Variants in ELMO1 observed in about 807,000 individuals in gnomAD.
ELMO1 encodes engulfment and cell motility 1.
A neutral mutation model predicts 98.9 loss-of-function variants in ELMO1; 26 were observed. The observed-to-expected ratio is 0.26, with a 90% confidence interval of 0.19 to 0.36. The LOEUF (loss-of-function observed/expected upper bound fraction) is 0.36, where lower values mean the gene tolerates loss of function less well. ELMO1 is among the 10% of genes least tolerant of loss of function. The probability of loss-of-function intolerance (pLI) is 1.00; values close to 1 mark genes in which losing one functional copy is unlikely to be tolerated. For missense variants in ELMO1, 627 were observed against 935.2 expected, an observed-to-expected ratio of 0.67 and a Z score of 4.30; for synonymous variants, 346 against 346.0, an observed-to-expected ratio of 1.00 and a Z score of 0.00.
intron 19 of ELMO1, among the ~76,000 whole-genome samples, chr7:36,872,781 A>G (rs959122997): frequency 6.6e-6 from 1 of 152,246 alleles, no homozygotes; most frequent in African/African-American, 2.4e-5. Context: ...AATGTGATAT[A>G]GTCAACAAAC....
chr7:37,342,898 T>G lies in ELMO1; in HGVS notation c.-73-135A>C, dbSNP rs994895042. The G allele has an allele frequency of 1.9e-6, 1 of 529,406 alleles. No individual in the cohort carries two copies. Among genetic ancestry groups the G allele is most frequent in the East Asian group, 3.4e-5 (1 of 29,120 alleles). The allele number at this position is 529,406 out of a possible 1,614,324, so 32.8% of individuals were successfully genotyped here. A position where few individuals can be genotyped will look rare whatever the true frequency, so the allele number is the denominator to read the frequency against. Reference sequence around the variant, plus strand: ...CCCCTTGGTGCCTGGGTGCTGAAGGTGCAGGGGCACAGCCAACGGTACAAT... The same window carrying G: ...CCCCTTGGTGCCTGGGTGCTGAAGGGGCAGGGGCACAGCCAACGGTACAAT... On this transcript the variant is annotated intron_variant, in intron 1 of 21. Coordinates refer to ENST00000310758, the MANE Select transcript of ELMO1 (RefSeq NM_014800.11). This position sits in a 1 kb window ranked among gnomAD's most constrained non-coding sequence, Gnocchi z 4.3.
At position 37,336,165 on chromosome 7, in the gene ELMO1, G is replaced by T. The variant is rs562523827; in HGVS notation, c.78+6448C>A. Among the ~76,000 whole-genome samples the T allele has an allele frequency of 8.7e-4, 132 of 152,138 alleles. 1 individual carries two copies. The highest frequency in any genetic ancestry group is 3.1e-3 in the African/African-American group (130 of 41,494). On this transcript the variant is annotated intron_variant, in intron 2 of 21. Coordinates refer to ENST00000310758, the MANE Select transcript of ELMO1 (RefSeq NM_014800.11). Reference sequence around the variant, plus strand: ...TATCTTGAGCCCAGAATTAGAGGTTGCAGTGAGCTTTGATTGAGCCTTTGT... The same window carrying T: ...TATCTTGAGCCCAGAATTAGAGGTTTCAGTGAGCTTTGATTGAGCCTTTGT...
At position 36,941,488 on chromosome 7, in the gene ELMO1, T is replaced by A. The variant is rs920664449; in HGVS notation, c.1438-46471A>T. On this transcript the variant is annotated intron_variant, in intron 16 of 21. Coordinates refer to ENST00000310758, the MANE Select transcript of ELMO1 (RefSeq NM_014800.11). Reference sequence around the variant, plus strand: ...ATGTTTTGAGAAACTCCATCTCTTATCTACAAACATATTAACATCTACAAG... The same window carrying A: ...ATGTTTTGAGAAACTCCATCTCTTAACTACAAACATATTAACATCTACAAG... 1.3e-5 allele frequency among the ~76,000 whole-genome samples: 2 copies of A among 152,256 alleles called. 1 individual carries two copies. The highest frequency in any genetic ancestry group is 2.9e-5 in the Non-Finnish European group (2 of 68,044).
intron 1 of ELMO1, among the ~76,000 whole-genome samples, chr7:37,430,724 C>T (rs116761890): frequency 0.035 from 5,256 of 152,274 alleles, 255 homozygotes; most frequent in African/African-American, 0.1. Context: ...GTATGCCGGC[C>T]GAGGCCAAAG....
chr7:37,028,984 T>C (rs955573693), intron 15 of ELMO1, among the ~76,000 whole-genome samples: 3 of 152,178 alleles, frequency 2.0e-5, no homozygotes, highest in African/African-American at 7.2e-5. Flanking sequence ...AGTTCTCCTA[T>C]GAACTCCCCA....
At chr7:37,201,359 A>G (rs1792284121) in intron 13 of ELMO1, among the ~76,000 whole-genome samples, 3 of 152,194 alleles carry the variant, frequency 2.0e-5, no homozygotes, top group African/African-American at 7.2e-5. Context: ...TAGACTTTCC[A>G]TTTCCAGTGC....
chr7:37,011,953 G>A (rs1364729030), intron 16 of ELMO1, among the ~76,000 whole-genome samples: 2 of 152,298 alleles, frequency 1.3e-5, no homozygotes, highest in East Asian at 3.9e-4. Flanking sequence ...AAATTAATGG[G>A]CTTCTTTTCT....
At chr7:37,429,887 T>A (rs1166517585) in intron 1 of ELMO1, 4 of 152,224 alleles carry the variant, frequency 2.6e-5, no homozygotes, top group Non-Finnish European at 4.4e-5. Flanking sequence ...TGCAGAGTCT[T>A]TGTATAAATA....
intron 4 of ELMO1, among the ~76,000 whole-genome samples, chr7:37,312,390 C>A (rs1583521038): frequency 6.6e-6 from 1 of 152,206 alleles, no homozygotes; most frequent in African/African-American, 2.4e-5. Context: ...GCCCAGCCCA[C>A]ATTCCTAAAT....
At chr7:37,196,376 T>C (rs192912853) in intron 13 of ELMO1, among the ~76,000 whole-genome samples, 1 of 152,296 alleles carries the variant, frequency 6.6e-6, no homozygotes, top group Admixed American at 6.5e-5. Context: ...GGAAGCACAA[T>C]TTTGCTTTCT....
chr7:37,028,889 C>T (rs114469415), intron 15 of ELMO1, among the ~76,000 whole-genome samples: 2,938 of 152,300 alleles, frequency 0.019, 32 homozygotes, highest in Middle Eastern at 0.044. Flanking sequence ...GCTAATCAGA[C>T]CAATTTATTT....
intron 10 of ELMO1, among the ~76,000 whole-genome samples, chr7:37,219,419 A>C (rs756553639): frequency 4.6e-5 from 7 of 152,352 alleles, no homozygotes; most frequent in South Asian, 2.1e-4. Flanking sequence ...AAATTTTAAA[A>C]AAGTATTTGA....
intron 16 of ELMO1, among the ~76,000 whole-genome samples, chr7:36,971,798 C>T (rs936765508): frequency 1.3e-5 from 2 of 152,064 alleles, no homozygotes; most frequent in Admixed American, 6.6e-5. Context: ...GGTGTCGGAG[C>T]GGGTCCTTTT....
intron 13 of ELMO1, among the ~76,000 whole-genome samples, chr7:37,139,674 T>A (rs552539214): frequency 6.6e-6 from 1 of 152,104 alleles, no homozygotes; most frequent in Non-Finnish European, 1.5e-5. Flanking sequence ...GCAATTCCTA[T>A]CCAAATACCA....
intron 15 of ELMO1, among the ~76,000 whole-genome samples, chr7:37,069,297 C>T (rs1206012932): frequency 6.6e-6 from 1 of 152,172 alleles, no homozygotes; most frequent in African/African-American, 2.4e-5. Flanking sequence ...CCTAAGACCT[C>T]TCTAAATAGA....
At chr7:37,042,259 T>C (rs1795561789) in intron 15 of ELMO1, among the ~76,000 whole-genome samples, 1 of 151,300 alleles carries the variant, frequency 6.6e-6, no homozygotes. Flanking sequence ...GAGTGTTACA[T>C]ATGCACTGGG....
intron 16 of ELMO1, among the ~76,000 whole-genome samples, chr7:36,946,817 T>A (rs192065174): frequency 7.6e-4 from 116 of 152,308 alleles, no homozygotes; most frequent in African/African-American, 2.7e-3. Context: ...GGTGAGATCA[T>A]CTATTCAAAT....
chr7:37,119,295 C>A (rs1422246252), intron 14 of ELMO1, among the ~76,000 whole-genome samples: 1 of 152,140 alleles, frequency 6.6e-6, no homozygotes, highest in African/African-American at 2.4e-5. Flanking sequence ...CATAAGGTTT[C>A]TTTATCTTCC....
intron 4 of ELMO1, among the ~76,000 whole-genome samples, chr7:37,298,571 G>A (rs2131008027): frequency 6.8e-6 from 1 of 146,546 alleles, no homozygotes; most frequent in East Asian, 2.0e-4. Flanking sequence ...TTTTGTTCTT[G>A]CGATAGTTTA....
Sources: gnomAD v4.1 joint callset for allele counts (sites outside exome capture counted in the v4.1 genomes callset) on GRCh38, gnomAD v4.1.1 for gene constraint, Gnocchi (gnomAD v3.1) non-coding constraint, MANE v1.5 for transcripts, NCBI Gene and HGNC (gene_info 2026-07-23, HGNC 2026-07-21) for gene names.